Variants in B3GALT1 observed in about 807,000 individuals in gnomAD.
B3GALT1 encodes the protein beta-1,3-galactosyltransferase 1, also known as UDP-Gal:betaGlcNAc beta 1,3-galactosyltransferase, polypeptide 1.
Under a neutral mutation model 23.2 loss-of-function variants are expected in B3GALT1, and 10 were observed. That is an observed-to-expected ratio of 0.43 (90% CI 0.27 to 0.73). The LOEUF (loss-of-function observed/expected upper bound fraction) is 0.73, where lower values mean the gene tolerates loss of function less well. Among genes scored for constraint, B3GALT1 ranks in the 30% least tolerant of loss-of-function variants. B3GALT1 has a pLI of 0.21. For missense variants in B3GALT1, 299 were observed against 405.4 expected (o/e 0.74, Z 2.25); for synonymous variants, 156 against 141.5 (o/e 1.10, Z -0.73).
Position 167,869,300 on chromosome 2 carries a change from T to A in B3GALT1, c.261T>A (p.Thr87=). The A allele has an allele frequency of 6.2e-7, 1 of 1,614,164 alleles. No individual in the cohort carries two copies. The highest frequency in any genetic ancestry group is 1.1e-5 in the South Asian group (1 of 91,070). ...TTCTTGTTATCCTCATCAGCACCAC[T>A]CACAAGGAATTTGATGCCCGTCAGG... is the stretch of plus-strand genomic sequence containing the variant. The part of the protein sequence containing the change: ...IPFLVILIST[T]HKEFDARQAI... The change falls in exon 5 of 5, where the codon ACT becomes ACA. Residue 87 remains threonine, a synonymous_variant. Coordinates refer to ENST00000392690, the MANE Select transcript of B3GALT1 (RefSeq NM_020981.4). This position sits in a 1 kb window ranked among gnomAD's most constrained non-coding sequence, Gnocchi z 6.4.
At chr2:167,815,649 A>G (rs1243478815) in intron 3 of B3GALT1, among the ~76,000 whole-genome samples, 1 of 152,334 alleles carries the variant, frequency 6.6e-6, no homozygotes, top group South Asian at 2.1e-4. Flanking sequence ...AAGTCGGTAT[A>G]CAGAAAGAAT....
chr2:167,506,486 T>C (rs1299563107), intron 2 of B3GALT1, among the ~76,000 whole-genome samples: 4 of 152,196 alleles, frequency 2.6e-5, no homozygotes, highest in Admixed American at 1.3e-4. Context: ...AAAAGTGTTA[T>C]GTAGGAAACT....
At chr2:167,531,749 T>C (rs1162906243) in intron 2 of B3GALT1, among the ~76,000 whole-genome samples, 1 of 152,212 alleles carries the variant, frequency 6.6e-6, no homozygotes, top group Non-Finnish European at 1.5e-5. Flanking sequence ...TTATGTATTA[T>C]AACTTTTAAC....
At chr2:167,791,818 A>G (rs1688441888) in intron 3 of B3GALT1, among the ~76,000 whole-genome samples, 1 of 152,194 alleles carries the variant, frequency 6.6e-6, no homozygotes, top group African/African-American at 2.4e-5. Flanking sequence ...TTAGATCACT[A>G]GATCTTGTAT....
intron 1 of B3GALT1, among the ~76,000 whole-genome samples, chr2:167,308,906 T>C (rs1467572214): frequency 6.6e-6 from 1 of 152,034 alleles, no homozygotes; most frequent in Admixed American, 6.6e-5. Flanking sequence ...AGTGATAAAC[T>C]CCTTTTGGAC....
chr2:167,566,591 C>A (rs80056959), intron 2 of B3GALT1, among the ~76,000 whole-genome samples: 4 of 151,816 alleles, frequency 2.6e-5, no homozygotes, highest in African/African-American at 9.7e-5. Context: ...CGTAGTCCAG[C>A]CTCCTTATTT....
chr2:167,415,523 C>T (rs926533604), intron 1 of B3GALT1, among the ~76,000 whole-genome samples: 28 of 152,170 alleles, frequency 1.8e-4, no homozygotes, highest in East Asian at 1.7e-3. Context: ...ATAATAAATA[C>T]GTAAAAATGC....
intron 1 of B3GALT1, among the ~76,000 whole-genome samples, chr2:167,333,695 C>T (rs952368521): frequency 2.0e-5 from 3 of 152,102 alleles, no homozygotes; most frequent in African/African-American, 7.2e-5. Flanking sequence ...TGGACAATAT[C>T]GTAAGAAATA....
intron 3 of B3GALT1, among the ~76,000 whole-genome samples, chr2:167,736,693 G>A (rs1687497001): frequency 6.6e-6 from 1 of 152,168 alleles, no homozygotes; most frequent in Non-Finnish European, 1.5e-5. Context: ...CTTGAGGTCA[G>A]GAGTTTGAGA....
intron 1 of B3GALT1, among the ~76,000 whole-genome samples, chr2:167,334,125 A>G (rs902387259): frequency 6.6e-6 from 1 of 152,214 alleles, no homozygotes; most frequent in Non-Finnish European, 1.5e-5. Context: ...GATAATAAAT[A>G]CAACACACTG....
At chr2:167,311,764 C>T (rs1194635548) in intron 1 of B3GALT1, among the ~76,000 whole-genome samples, 1 of 151,760 alleles carries the variant, frequency 6.6e-6, no homozygotes, top group Non-Finnish European at 1.5e-5. Context: ...GAGAGATCAG[C>T]GAGCTGTAAC....
intron 1 of B3GALT1, among the ~76,000 whole-genome samples, chr2:167,416,065 A>AT (rs1378652138): frequency 6.6e-6 from 1 of 152,224 alleles, no homozygotes; most frequent in Non-Finnish European, 1.5e-5. Flanking sequence ...CTTGTTCAAG[A>AT]GAGGAAACCA....
intron 1 of B3GALT1, among the ~76,000 whole-genome samples, chr2:167,453,654 A>C (rs1209172665): frequency 6.6e-6 from 1 of 152,234 alleles, no homozygotes; most frequent in African/African-American, 2.4e-5. Flanking sequence ...AGACACATCA[A>C]CTTAAAAACT....
chr2:167,317,385 G>GC (rs1223504228), intron 1 of B3GALT1, among the ~76,000 whole-genome samples: 4 of 152,070 alleles, frequency 2.6e-5, no homozygotes, highest in Non-Finnish European at 4.4e-5. Flanking sequence ...AGAAGGAAAA[G>GC]CCAGGCTCTT....
At chr2:167,658,726 C>T in intron 3 of B3GALT1, among the ~76,000 whole-genome samples, 1 of 152,014 alleles carries the variant, frequency 6.6e-6, no homozygotes, top group East Asian at 1.9e-4. Flanking sequence ...TGCCTCATAT[C>T]TACTTATTTC....
chr2:167,347,359 T>G (rs1281062555), intron 1 of B3GALT1, among the ~76,000 whole-genome samples: 1 of 152,190 alleles, frequency 6.6e-6, no homozygotes, highest in Non-Finnish European at 1.5e-5. Flanking sequence ...TTGATGAAAC[T>G]GCATTAATCC....
chr2:167,294,437 C>G (rs1202399921), intron 1 of B3GALT1, among the ~76,000 whole-genome samples: 1 of 152,244 alleles, frequency 6.6e-6, no homozygotes, highest in African/African-American at 2.4e-5. Context: ...GCAAAGCCTT[C>G]CGCAGAAGGC....
chr2:167,404,748 A>G (rs1290197135), intron 1 of B3GALT1, among the ~76,000 whole-genome samples: 1 of 152,172 alleles, frequency 6.6e-6, no homozygotes, highest in East Asian at 1.9e-4. Context: ...TGCTTTGGTA[A>G]TTTGTACTGT....
intron 2 of B3GALT1, among the ~76,000 whole-genome samples, chr2:167,575,882 C>T (rs1279536015): frequency 6.6e-6 from 1 of 151,672 alleles, no homozygotes; most frequent in Non-Finnish European, 1.5e-5. Context: ...AGGGAGTTCA[C>T]GTTTTCAATT....
Sources: gnomAD v4.1 joint callset for allele counts (sites outside exome capture counted in the v4.1 genomes callset) on GRCh38, gnomAD v4.1.1 for gene constraint, Gnocchi (gnomAD v3.1) non-coding constraint, MANE v1.5 for transcripts, NCBI Gene and HGNC (gene_info 2026-07-23, HGNC 2026-07-21) for gene names.